Variants in ARHGEF7 observed in about 807,000 individuals in gnomAD.
The protein encoded by ARHGEF7 is PAK-interacting exchange factor beta.
ARHGEF7 carries 33 observed loss-of-function variants against 109.8 expected under a neutral mutation model. The observed-to-expected ratio is 0.30, with a 90% CI of 0.23 to 0.40. The LOEUF is 0.40. ARHGEF7 is among the 10% of genes least tolerant of loss of function. The probability of loss-of-function intolerance (pLI) is 1.00; values close to 1 mark genes in which losing one functional copy is unlikely to be tolerated. For missense variants in ARHGEF7, 938 were observed against 1,098.5 expected, an observed-to-expected ratio of 0.85 and a Z score of 2.07; for synonymous variants, 458 against 424.6, an observed-to-expected ratio of 1.08 and a Z score of -0.97.
rs1428810706 is a variant in ARHGEF7, at chr13:111,239,816, T to G, written c.760-4056T>G. 6.6e-6 allele frequency among the ~76,000 whole-genome samples: 1 copy of G among 152,068 alleles called. No individual in the cohort carries two copies. The highest frequency in any genetic ancestry group is 2.4e-5 in the African/African-American group (1 of 41,382). ...GATGATACAGATGAAGGTTGTCAGG[T>G]AGGCACTAGTGGAATGCTGACACGG... On this transcript the variant is annotated intron_variant, in intron 6 of 21. Transcript: ENST00000646102. The surrounding 1 kb of genome is among the most constrained non-coding windows in gnomAD (Gnocchi z 4.3).
At chr13:111,202,160 T>A (rs1270042855) in intron 2 of ARHGEF7, among the ~76,000 whole-genome samples, 1 of 152,184 alleles carries the variant, frequency 6.6e-6, no homozygotes, top group Admixed American at 6.5e-5. Context: ...CGTATTATGG[T>A]GCGAAGTGTG....
chr13:111,294,591 A>T (rs1384039180), intron 19 of ARHGEF7: 1 of 985,304 alleles, frequency 1.0e-6, no homozygotes, highest in Non-Finnish European at 1.2e-6. Context: ...ATTTGTTTTG[A>T]ATGTCTAACA....
chr13:111,290,638 G>A (rs1167380990), intron 18 of ARHGEF7, among the ~76,000 whole-genome samples: 1 of 152,242 alleles, frequency 6.6e-6, no homozygotes, highest in East Asian at 1.9e-4. Context: ...GGCTGCCTAA[G>A]GGGAATGGCC....
At chr13:111,129,328 A>G (rs1257527340) in intron 1 of ARHGEF7, among the ~76,000 whole-genome samples, 3 of 152,190 alleles carry the variant, frequency 2.0e-5, no homozygotes, top group South Asian at 4.1e-4. Context: ...TGACACCAAA[A>G]ACATGATCCA....
chr13:111,120,399 G>A (rs1306770793), intron 1 of ARHGEF7, among the ~76,000 whole-genome samples: 1 of 152,198 alleles, frequency 6.6e-6, no homozygotes, highest in African/African-American at 2.4e-5. Flanking sequence ...ACATGCATGT[G>A]CACACACGAA....
intron 15 of ARHGEF7, 154 bp from the exon 16 acceptor site, chr13:111,282,985 G>A (rs187272048): frequency 1.8e-6 from 2 of 1,109,798 alleles, no homozygotes; most frequent in Admixed American, 4.9e-5. Context: ...AAAACTGACT[G>A]CTGAGAGCCA....
At chr13:111,139,208 G>T (rs1028079748) in intron 1 of ARHGEF7, among the ~76,000 whole-genome samples, 1 of 152,324 alleles carries the variant, frequency 6.6e-6, no homozygotes, top group South Asian at 2.1e-4. Flanking sequence ...GGGGCTCAGT[G>T]TAGACAAGAG....
chr13:111,284,600 G>A (rs754371112), intron 16 of ARHGEF7, among the ~76,000 whole-genome samples: 3 of 152,226 alleles, frequency 2.0e-5, no homozygotes, highest in African/African-American at 7.2e-5. Flanking sequence ...AAAGGGCAAC[G>A]GAAGGGGTAT....
At chr13:111,235,654 T>C (rs1277042032) in intron 6 of ARHGEF7, among the ~76,000 whole-genome samples, 1 of 152,252 alleles carries the variant, frequency 6.6e-6, no homozygotes, top group East Asian at 1.9e-4. Context: ...GCTAAATGCC[T>C]TGTCCAAGGT....
upstream of ARHGEF7, chr13:111,115,218 C>T (rs2066653422): frequency 1.4e-5 from 2 of 146,942 alleles, no homozygotes; most frequent in African/African-American, 4.9e-5. Context: ...GCGGGCCGGG[C>T]GCGGGCCGGG....
intron 4 of ARHGEF7, among the ~76,000 whole-genome samples, chr13:111,213,475 C>T (rs1224870778): frequency 6.6e-6 from 1 of 152,246 alleles, no homozygotes; most frequent in Non-Finnish European, 1.5e-5. Flanking sequence ...GGAGGCAGAG[C>T]ATGACCAGCC....
chr13:111,225,128 T>C (rs1222048445), intron 5 of ARHGEF7, among the ~76,000 whole-genome samples: 3 of 152,180 alleles, frequency 2.0e-5, no homozygotes, highest in East Asian at 3.8e-4. Context: ...TGTGGCTGCC[T>C]CCCGTTGTCG....
At chr13:111,275,701 A>G in intron 12 of ARHGEF7, 23 bp downstream of exon 12, 1 of 1,613,942 alleles carries the variant, frequency 6.2e-7, no homozygotes, top group East Asian at 2.2e-5. Context: ...ACATGCACGC[A>G]CCAGGGTTTC....
chr13:111,268,474 A>G (rs535635716), intron 9 of ARHGEF7, among the ~76,000 whole-genome samples: 6 of 152,370 alleles, frequency 3.9e-5, no homozygotes, highest in Admixed American at 3.3e-4. Context: ...TTAGTAGCAT[A>G]AAGATAAATG....
chr13:111,210,727 G>A lies in ARHGEF7; in HGVS notation c.468+725G>A, dbSNP rs143955834. 1.8e-4 allele frequency among the ~76,000 whole-genome samples: 28 copies of A among 152,288 alleles called. No homozygotes were observed. The East Asian group carries it at 4.1e-3, about 22-fold the overall frequency. On this transcript the variant is annotated intron_variant, in intron 4 of 21. Transcript: ENST00000646102. ...CACCCTTCTCTGAGCTGCAGCTGGCGGGCAGTGACTTCGATTGGCTGCTGG... is the reference window on the plus strand; with the variant it reads ...CACCCTTCTCTGAGCTGCAGCTGGCAGGCAGTGACTTCGATTGGCTGCTGG...
At chr13:111,281,650 A>G (rs980784412) in intron 15 of ARHGEF7, among the ~76,000 whole-genome samples, 1 of 152,082 alleles carries the variant, frequency 6.6e-6, no homozygotes, top group Non-Finnish European at 1.5e-5. Context: ...TATCCCAGGG[A>G]CGTGTGTGTA....
At chr13:111,142,461 A>G (rs2075391455) in intron 1 of ARHGEF7, among the ~76,000 whole-genome samples, 1 of 21,868 alleles carries the variant, frequency 4.6e-5, no homozygotes, top group African/African-American at 1.6e-4. Context: ...ATTCACAACT[A>G]TGGCCCTATT....
intron 6 of ARHGEF7, among the ~76,000 whole-genome samples, chr13:111,235,212 G>T (rs1017798933): frequency 6.6e-6 from 1 of 152,238 alleles, no homozygotes; most frequent in Non-Finnish European, 1.5e-5. Flanking sequence ...GTGGTCAGCA[G>T]TGTTTAAATT....
At chr13:111,280,720 G>A (rs1328956887) in intron 15 of ARHGEF7, 43 bp downstream of exon 15, 1 of 1,446,492 alleles carries the variant, frequency 6.9e-7, no homozygotes, top group Non-Finnish European at 9.1e-7. Flanking sequence ...TCCAGGCGTG[G>A]CATCCCGTGG....
Sources: allele counts gnomAD v4.1 joint callset (sites outside exome capture counted in the v4.1 genomes callset), GRCh38; gene constraint gnomAD v4.1.1; non-coding constraint Gnocchi (gnomAD v3.1); transcripts MANE v1.5; gene names NCBI Gene and HGNC (gene_info 2026-07-23, HGNC 2026-07-21).